SEMA3A: variants seen among roughly 807,000 people sequenced by gnomAD.
SEMA3A encodes the protein semaphorin-3A.
A neutral mutation model predicts 97.9 loss-of-function variants in SEMA3A; 29 were observed. That is an observed-to-expected ratio of 0.30 (90% CI 0.22 to 0.40). The LOEUF (loss-of-function observed/expected upper bound fraction) is 0.40. SEMA3A is among the 10% of genes least tolerant of loss of function. SEMA3A has a pLI of 1.00. For missense variants in SEMA3A, 763 were observed against 951.3 expected, an observed-to-expected ratio of 0.80 and a Z score of 2.60; for synonymous variants, 321 against 323.7, an observed-to-expected ratio of 0.99 and a Z score of 0.09.
chr7:84,368,815 TATA>T (rs1274258373), intron 2 of SEMA3A, among the ~76,000 whole-genome samples: 3 of 151,062 alleles, frequency 2.0e-5, no homozygotes, highest in East Asian at 1.9e-4. Context: ...ATTCACTATA[TATA>T]TCTAGCATAA....
At chr7:84,231,442 T>C (rs987827516) in intron 3 of SEMA3A, among the ~76,000 whole-genome samples, 3 of 151,958 alleles carry the variant, frequency 2.0e-5, no homozygotes, top group African/African-American at 7.2e-5. Context: ...CAGTGGAAGA[T>C]CAGAAGGAAA....
At chr7:84,389,607 C>A (rs1485446916) in intron 1 of SEMA3A, among the ~76,000 whole-genome samples, 1 of 151,962 alleles carries the variant, frequency 6.6e-6, no homozygotes, top group East Asian at 1.9e-4. Flanking sequence ...CCTAAACATA[C>A]CTGCTAAATA....
chr7:84,165,529 T>C (rs1053075716), intron 1 of SEMA3A, among the ~76,000 whole-genome samples: 1 of 152,122 alleles, frequency 6.6e-6, no homozygotes, highest in Non-Finnish European at 1.5e-5. Context: ...ATGAGTTCAC[T>C]TGTAGCATAG....
chr7:84,293,471 A>T (rs1206916979), intron 3 of SEMA3A, among the ~76,000 whole-genome samples: 1 of 152,026 alleles, frequency 6.6e-6, no homozygotes, highest in Non-Finnish European at 1.5e-5. Context: ...ATCTACTCCA[A>T]CCTACCTACT....
intron 3 of SEMA3A, among the ~76,000 whole-genome samples, chr7:84,210,653 G>T (rs1798604071): frequency 6.6e-6 from 1 of 152,146 alleles, no homozygotes; most frequent in African/African-American, 2.4e-5. Flanking sequence ...AACGGAATAT[G>T]GTTGCAGTGT....
At chr7:84,456,489 C>T (rs1020304198) in intron 1 of SEMA3A, among the ~76,000 whole-genome samples, 1 of 151,664 alleles carries the variant, frequency 6.6e-6, no homozygotes, top group Admixed American at 6.6e-5. Context: ...TTGAATGGGC[C>T]AGATATCAAA....
chr7:84,213,204 T>C (rs1798673299), intron 3 of SEMA3A, among the ~76,000 whole-genome samples: 1 of 152,124 alleles, frequency 6.6e-6, no homozygotes, highest in Non-Finnish European at 1.5e-5. Flanking sequence ...CTTGAACTCC[T>C]GACCTCAGGT....
At chr7:84,283,814 C>T (rs1800514792) in intron 3 of SEMA3A, among the ~76,000 whole-genome samples, 1 of 152,082 alleles carries the variant, frequency 6.6e-6, no homozygotes, top group South Asian at 2.1e-4. Flanking sequence ...TCTTAAATTC[C>T]AGTTACAAAG....
chr7:84,476,578 T>C (rs183497324), intron 1 of SEMA3A, among the ~76,000 whole-genome samples: 1 of 152,026 alleles, frequency 6.6e-6, no homozygotes, highest in Non-Finnish European at 1.5e-5. Context: ...TGCCTAAAAG[T>C]ATATAAAATT....
At chr7:84,288,559 C>T (rs1271914631) in intron 3 of SEMA3A, among the ~76,000 whole-genome samples, 1 of 151,838 alleles carries the variant, frequency 6.6e-6, no homozygotes, top group African/African-American at 2.4e-5. Context: ...TTAGCCAGAC[C>T]TGGAGGTGCA....
chr7:84,378,931 GT>G (rs1382212673), intron 1 of SEMA3A, among the ~76,000 whole-genome samples: 2 of 147,854 alleles, frequency 1.4e-5, no homozygotes, highest in African/African-American at 5.0e-5. Flanking sequence ...TTGTTGTTTT[GT>G]TTTGTTTTTT....
rs966071913 is a variant in SEMA3A, at chr7:84,010,421, G to A, written c.995+601C>T. Among the ~76,000 whole-genome samples, 7 of 152,268 alleles carry A rather than the reference G, an allele frequency of 4.6e-5. No homozygotes were observed. In the East Asian group the frequency reaches 5.8e-4, roughly 13 times the overall value. On this transcript the variant is annotated intron_variant, in intron 9 of 16. Transcript: ENST00000265362. ...AAAGGTTTAAAGAATGCAGAAAAGT[G>A]TAGCAAATATCCCATCTGTGGAATA...
chr7:84,426,273 TAGAC>T (rs72172820), intron 1 of SEMA3A, among the ~76,000 whole-genome samples: 22,088 of 139,108 alleles, frequency 0.16, 1,910 homozygotes, highest in East Asian at 0.29. Context: ...TATAGATATA[TAGAC>T]AGATAGATAG....
intron 1 of SEMA3A, among the ~76,000 whole-genome samples, chr7:84,443,962 C>T (rs534713679): frequency 6.7e-6 from 1 of 149,748 alleles, no homozygotes; most frequent in Non-Finnish European, 1.5e-5. Context: ...TCTTGGCTCC[C>T]TTCAACCTCC....
intron 3 of SEMA3A, among the ~76,000 whole-genome samples, chr7:84,121,455 T>C (rs1425677695): frequency 2.7e-5 from 4 of 149,910 alleles, no homozygotes; most frequent in African/African-American, 9.8e-5. Flanking sequence ...AGTGAGAACA[T>C]GCAGTGTTTG....
intron 1 of SEMA3A, among the ~76,000 whole-genome samples, chr7:84,388,180 G>A (rs1803448491): frequency 6.6e-6 from 1 of 152,036 alleles, no homozygotes; most frequent in Admixed American, 6.6e-5. Context: ...AAGTTTCTTA[G>A]TTGACAGGTG....
rs1788484043 is a variant in SEMA3A at position 83,961,820 on chromosome 7, C to T, written c.1867G>A (p.Val623Met). 2 of 1,610,530 alleles carry T rather than the reference C, an allele frequency of 1.2e-6. No homozygotes were observed. Among genetic ancestry groups the T allele is most frequent in the Non-Finnish European group, 1.7e-6 (2 of 1,177,510 alleles). The change falls in exon 17 of 17, where the codon GTG (valine) becomes ATG (methionine). Residue 623 changes from valine to methionine, a missense_variant. By Grantham distance (21) the Val-to-Met change is conservative. This residue lies in a region of SEMA3A where 678 missense variants were observed against 881.3 expected (regional missense o/e 0.77). Transcript: ENST00000265362. ...TCTGTCCTGATGATATGATCATCCA[C>T]TCTGATCTAGCAGGTTAAAAAAAAG... Reference protein sequence around the residue: ...RNEERKEEIRVDDHIIRTDQG... With the variant: ...RNEERKEEIRMDDHIIRTDQG...
At chr7:84,039,890 G>A (rs1182159484) in intron 6 of SEMA3A, among the ~76,000 whole-genome samples, 1 of 151,880 alleles carries the variant, frequency 6.6e-6, no homozygotes, top group African/African-American at 2.4e-5. Context: ...ATTGATATTT[G>A]TAAAAATAAA....
intron 1 of SEMA3A, among the ~76,000 whole-genome samples, chr7:84,192,518 G>T (rs541420452): frequency 6.6e-6 from 1 of 151,860 alleles, no homozygotes; most frequent in South Asian, 2.1e-4. Flanking sequence ...ACTAAAACAA[G>T]GCTTATAAAG....
Sources: gnomAD v4.1 joint callset for allele counts (sites outside exome capture counted in the v4.1 genomes callset) on GRCh38, gnomAD v4.1.1 for gene constraint, gnomAD v4.1.1 regional missense constraint, MANE v1.5 for transcripts, NCBI Gene and HGNC (gene_info 2026-07-23, HGNC 2026-07-21) for gene names.